The following SLK variants were observed in gnomAD, a reference collection of about 807,000 sequenced individuals.
The protein encoded by SLK is STE20-like serine/threonine-protein kinase.
In SLK, 67 loss-of-function variants were observed where a neutral mutation model predicts 147.7. The observed-to-expected ratio is 0.45, with a 90% confidence interval of 0.37 to 0.56. The LOEUF (loss-of-function observed/expected upper bound fraction) is 0.56. Ranked by LOEUF, SLK falls within the 20% of genes least tolerant of loss-of-function variation. SLK has a pLI of 0.00. For synonymous variants in SLK, 441 were observed against 475.0 expected (o/e 0.93, Z 0.93); for missense variants, 1,136 against 1,438.8 (o/e 0.79, Z 3.41).
At chr10:103,997,164 G>T (rs1844185660) in intron 4 of SLK, among the ~76,000 whole-genome samples, 1 of 152,080 alleles carries the variant, frequency 6.6e-6, no homozygotes, top group Non-Finnish European at 1.5e-5. Context: ...ATACGTATGT[G>T]GAATCATACA....
chr10:103,980,295 TGTA>T (rs896017521), intron 1 of SLK, among the ~76,000 whole-genome samples: 39 of 152,336 alleles, frequency 2.6e-4, no homozygotes, highest in African/African-American at 7.9e-4. Context: ...ATTTTTTAAT[TGTA>T]GTAAAATACA....
chr10:104,014,845 A>G (rs1244763132), intron 13 of SLK, among the ~76,000 whole-genome samples: 1 of 152,094 alleles, frequency 6.6e-6, no homozygotes, highest in Non-Finnish European at 1.5e-5. Flanking sequence ...TTTGGCCTTA[A>G]TAATTTGGGT....
intron 16 of SLK, 25 bp downstream of exon 16, chr10:104,019,947 T>G (rs767867007): frequency 6.4e-7 from 1 of 1,562,056 alleles, no homozygotes; most frequent in Non-Finnish European, 8.7e-7. Flanking sequence ...TAGTCTCTTC[T>G]CTTTTAGGTT....
At chr10:104,006,146 G>T in intron 11 of SLK, 111 bp downstream of exon 11, 1 of 1,078,808 alleles carries the variant, frequency 9.3e-7, no homozygotes. Flanking sequence ...CTGATTGCCA[G>T]ATTTCTCTAG....
Position 104,020,469 on chromosome 10 carries a change from C to CT in SLK, c.3322-12dup, listed in dbSNP as rs765079119. 1 of 1,602,540 alleles carries CT rather than the reference C, an allele frequency of 6.2e-7. No homozygotes were observed. The highest frequency in any genetic ancestry group is 1.3e-5 in the African/African-American group (1 of 74,144). On this transcript the variant is annotated intron_variant, in intron 16 of 18. Transcript: ENST00000369755. ...CACATGCTTCTGAACTATAGTTTAT[C>CT]TTTTTTTCTTATTTATAGTTTGCTG...
At chr10:104,016,382 G>A (rs1844466582) in intron 13 of SLK, among the ~76,000 whole-genome samples, 1 of 151,768 alleles carries the variant, frequency 6.6e-6, no homozygotes, top group Admixed American at 6.6e-5. Flanking sequence ...GTTACAAATA[G>A]TAGGAAAAAG....
rs182514725 is a variant in SLK at position 104,026,632 on chromosome 10, C to G, written c.*912C>G. 4.6e-5 allele frequency: 7 copies of G among 152,118 alleles called. No homozygotes were observed. The highest frequency in any genetic ancestry group is 7.4e-5 in the Non-Finnish European group (5 of 68,020). 9.4% of individuals were successfully genotyped at this position (152,118 alleles called of 1,614,324 possible). On this transcript the variant is annotated 3_prime_UTR_variant, in exon 19 of 19. Transcript: ENST00000369755. ...AATACCTGAGCTGGTTAAATGATTTCTCTCCATCTTAGCTAATTCTGTTTA... is the reference window on the plus strand; with the variant it reads ...AATACCTGAGCTGGTTAAATGATTTGTCTCCATCTTAGCTAATTCTGTTTA...
At chr10:104,018,467 G>C (rs1844493182) in intron 14 of SLK, among the ~76,000 whole-genome samples, 178 bp downstream of exon 14, 1 of 152,156 alleles carries the variant, frequency 6.6e-6, no homozygotes, top group Non-Finnish European at 1.5e-5. Flanking sequence ...ATGGTCGTGT[G>C]TTAGAATGGG....
intron 1 of SLK, among the ~76,000 whole-genome samples, chr10:103,983,487 G>T (rs1048989630): frequency 9.9e-5 from 15 of 152,138 alleles, no homozygotes; most frequent in Non-Finnish European, 4.4e-5. Flanking sequence ...TATGCTTTGT[G>T]ATGCTGGTTC....
At chr10:103,996,053 C>G (rs1193782551) in intron 4 of SLK, among the ~76,000 whole-genome samples, 1 of 152,156 alleles carries the variant, frequency 6.6e-6, no homozygotes, top group Admixed American at 6.5e-5. Flanking sequence ...ACCACCACTC[C>G]TTATGTTGAT....
rs1844600160 is a variant in SLK at position 104,026,431 on chromosome 10, G to A, written c.*711G>A. 1 of 152,374 alleles carries A rather than the reference G, an allele frequency of 6.6e-6. No individual in the cohort carries two copies. Among genetic ancestry groups the A allele is most frequent in the Admixed American group, 6.6e-5 (1 of 15,254 alleles). 9.4% of individuals were successfully genotyped at this position (152,374 alleles called of 1,614,324 possible). On this transcript the variant is annotated 3_prime_UTR_variant, in exon 19 of 19. Transcript: ENST00000369755. Reference sequence around the variant, plus strand: ...AAACATCTTTAGAATTAAAAACATGGTTGTTTTGGAATTTTTGCTTCTCTT... The same window carrying A: ...AAACATCTTTAGAATTAAAAACATGATTGTTTTGGAATTTTTGCTTCTCTT...
At chr10:103,997,251 A>T (rs961726988) in intron 4 of SLK, among the ~76,000 whole-genome samples, 8 of 152,192 alleles carry the variant, frequency 5.3e-5, no homozygotes, top group Non-Finnish European at 1.2e-4. Context: ...AGCGTATTTC[A>T]AGTCTTCCCC....
chr10:104,001,429 T>G lies in SLK; in HGVS notation c.865-15T>G, dbSNP rs1384900806. 2 of 1,610,644 alleles carry G rather than the reference T, an allele frequency of 1.2e-6. No homozygotes were observed. The highest frequency in any genetic ancestry group is 1.7e-6 in the Non-Finnish European group (2 of 1,177,168). On this transcript the variant is annotated splice_polypyrimidine_tract_variant and intron_variant, in intron 7 of 18. Coordinates refer to ENST00000369755, the MANE Select transcript of SLK (RefSeq NM_014720.4). ...TATTCCAGTTGTTGAGTATGTTCTT[T>G]TTAATGATCAACAGCATCCCTTTGT...
At chr10:104,008,449 T>C (rs747780985) in intron 12 of SLK, 93 bp downstream of exon 12, 1 of 818,750 alleles carries the variant, frequency 1.2e-6, no homozygotes, top group South Asian at 1.9e-5. Flanking sequence ...CTAATAATAC[T>C]TGAGAGTTAA....
rs190298672 is a variant in SLK, at chr10:104,021,184, C to T, written c.3448-436C>T. The stretch of plus-strand genomic sequence containing the variant: ...ATAAATGTGGGTATCTATATATTTG[C>T]TTAATTTACTATAGTAGAACAGATC... On this transcript the variant is annotated intron_variant, in intron 17 of 18. Coordinates refer to ENST00000369755, the MANE Select transcript of SLK (RefSeq NM_014720.4). Among the ~76,000 whole-genome samples the T allele has an allele frequency of 3.9e-5, 6 of 152,190 alleles. 1 individual carries two copies. Among genetic ancestry groups the T allele is most frequent in the Admixed American group, 3.9e-4 (6 of 15,300 alleles).
chr10:104,011,590 C>T (rs997767137), intron 13 of SLK, among the ~76,000 whole-genome samples: 1 of 149,938 alleles, frequency 6.7e-6, no homozygotes, highest in Non-Finnish European at 1.5e-5. Flanking sequence ...GAATTGGAGT[C>T]TCGCTCTGTC....
At chr10:103,980,160 G>A (rs957171977) in intron 1 of SLK, among the ~76,000 whole-genome samples, 4 of 152,080 alleles carry the variant, frequency 2.6e-5, no homozygotes, top group African/African-American at 4.8e-5. Flanking sequence ...ATGTCCGTAC[G>A]CACATAGTAT....
chr10:103,998,391 A>G (rs966036351), intron 4 of SLK, among the ~76,000 whole-genome samples: 3 of 152,202 alleles, frequency 2.0e-5, no homozygotes, highest in African/African-American at 7.2e-5. Context: ...TGAAAAAGCT[A>G]TAATGTTACT....
chr10:104,001,943 T>G (rs1453131873), intron 8 of SLK, among the ~76,000 whole-genome samples: 2 of 152,204 alleles, frequency 1.3e-5, no homozygotes, highest in Admixed American at 1.3e-4. Flanking sequence ...CTCGAACTCC[T>G]GACCTCAAGT....
Sources: gnomAD v4.1 joint callset for allele counts (sites outside exome capture counted in the v4.1 genomes callset) on GRCh38, gnomAD v4.1.1 for gene constraint, MANE v1.5 for transcripts, NCBI Gene and HGNC (gene_info 2026-07-23, HGNC 2026-07-21) for gene names.